Variants in GRM7 observed in about 807,000 individuals in gnomAD.
GRM7 encodes metabotropic glutamate receptor 7.
A neutral mutation model predicts 84.5 loss-of-function variants in GRM7; 35 were observed. The ratio of observed to expected loss-of-function variants is 0.41; its 90% confidence interval spans 0.32 to 0.55. GRM7 has a LOEUF of 0.55. Among genes scored for constraint, GRM7 ranks in the 20% least tolerant of loss-of-function variants. GRM7 has a pLI of 0.19. For missense variants in GRM7, 1,003 were observed against 1,194.6 expected (o/e 0.84, Z 2.36); for synonymous variants, 487 against 455.1 (o/e 1.07, Z -0.89).
At chr3:7,229,839 C>CTTTT (rs766896334) in intron 2 of GRM7, among the ~76,000 whole-genome samples, 7 of 72,024 alleles carry the variant, frequency 9.7e-5, no homozygotes, top group East Asian at 5.7e-4. Context: ...CTTCCATCTT[C>CTTTT]TTTTTTTTTT....
At chr3:7,035,423 T>C (rs1399838964) in intron 1 of GRM7, among the ~76,000 whole-genome samples, 3 of 151,616 alleles carry the variant, frequency 2.0e-5, no homozygotes, top group Non-Finnish European at 2.9e-5. Flanking sequence ...GAATAGAGAA[T>C]GCTATTTCAA....
At chr3:7,277,934 T>C (rs1699131095) in intron 2 of GRM7, among the ~76,000 whole-genome samples, 1 of 152,132 alleles carries the variant, frequency 6.6e-6, no homozygotes, top group South Asian at 2.1e-4. Context: ...TAATAATTGA[T>C]AATTTTTGAA....
In GRM7 at chr3:7,694,456, T is replaced by A. The variant is rs568784314; in HGVS notation, c.2698+14161T>A. Reference sequence around the variant, plus strand: ...CCACACATAATAAAGTTTAAGAATGTCAAGCAATCCATCTGCATCTAATTT... The same window carrying A: ...CCACACATAATAAAGTTTAAGAATGACAAGCAATCCATCTGCATCTAATTT... On this transcript the variant is annotated intron_variant, in intron 9 of 9. Transcript: ENST00000357716. 2.0e-4 allele frequency: 171 copies of A among 851,220 alleles called. 2 individuals carry two copies. In the South Asian group the frequency reaches 8.1e-3, roughly 41 times the overall value. 52.7% of individuals were successfully genotyped at this position (851,220 alleles called of 1,614,324 possible).
chr3:7,384,177 C>T (rs151296204), intron 4 of GRM7, among the ~76,000 whole-genome samples: 53 of 152,124 alleles, frequency 3.5e-4, no homozygotes, highest in African/African-American at 1.1e-3. Context: ...AGTAGGCACA[C>T]GCCACTGTGC....
intron 9 of GRM7, chr3:7,682,355 A>T (rs1700407241): frequency 6.7e-6 from 1 of 150,144 alleles, no homozygotes; most frequent in Non-Finnish European, 1.5e-5. Context: ...AAAAAAAAAA[A>T]AGAAAAAGAA....
At chr3:7,327,497 ACATATT>A (rs544864400) in intron 4 of GRM7, among the ~76,000 whole-genome samples, 1 of 152,318 alleles carries the variant, frequency 6.6e-6, no homozygotes, top group East Asian at 1.9e-4. Flanking sequence ...ACTCCAGTTA[ACATATT>A]CATATTTATA....
At chr3:7,296,820 T>TA (rs1699830223) in intron 2 of GRM7, among the ~76,000 whole-genome samples, 2 of 151,248 alleles carry the variant, frequency 1.3e-5, no homozygotes, top group African/African-American at 4.9e-5. Flanking sequence ...AACAGCTTTT[T>TA]TAAAAAAAAA....
chr3:7,066,472 G>A (rs1697668457), intron 1 of GRM7, among the ~76,000 whole-genome samples: 3 of 151,552 alleles, frequency 2.0e-5, no homozygotes, highest in South Asian at 2.1e-4. Context: ...AGCTTAAATC[G>A]GGAAGAATTA....
At chr3:7,176,802 C>T (rs2125093211) in intron 2 of GRM7, among the ~76,000 whole-genome samples, 1 of 152,294 alleles carries the variant, frequency 6.6e-6, no homozygotes, top group African/African-American at 2.4e-5. Context: ...GTCCACACCT[C>T]AACTATTATT....
At chr3:7,294,641 T>C (rs1302490803) in intron 2 of GRM7, among the ~76,000 whole-genome samples, 2 of 151,522 alleles carry the variant, frequency 1.3e-5, no homozygotes, top group African/African-American at 2.4e-5. Context: ...CTACAACCAA[T>C]ATGGAGACAC....
intron 8 of GRM7, among the ~76,000 whole-genome samples, chr3:7,658,238 C>A (rs1699285173): frequency 6.6e-6 from 1 of 152,142 alleles, no homozygotes; most frequent in Non-Finnish European, 1.5e-5. Context: ...AAATTCAATA[C>A]ACTGCTAATG....
intron 7 of GRM7, among the ~76,000 whole-genome samples, chr3:7,517,101 A>AC (rs1348010799): frequency 1.3e-5 from 2 of 152,136 alleles, no homozygotes; most frequent in Non-Finnish European, 2.9e-5. Flanking sequence ...AATCATGTTC[A>AC]CGAGGTAATA....
At chr3:7,302,278 T>C (rs114705311) in intron 3 of GRM7, among the ~76,000 whole-genome samples, 3,609 of 152,298 alleles carry the variant, frequency 0.024, 63 homozygotes, top group Non-Finnish European at 0.032. Flanking sequence ...AGTTTTTTTA[T>C]ACATACACAA....
chr3:7,493,985 G>A (rs1699613182), intron 7 of GRM7, among the ~76,000 whole-genome samples: 1 of 151,780 alleles, frequency 6.6e-6, no homozygotes, highest in African/African-American at 2.4e-5. Context: ...CATTATCTTG[G>A]GTGTCAGATG....
rs1695076542 is a variant in GRM7, at chr3:7,578,598, C to T, written c.1692C>T (p.Pro564=). The T allele has an allele frequency of 3.7e-6, 6 of 1,614,150 alleles. No individual in the cohort carries two copies. Among genetic ancestry groups the T allele is most frequent in the Non-Finnish European group, 4.2e-6 (5 of 1,180,034 alleles). The change falls in exon 8 of 10, where the codon CCC becomes CCT. Residue 564 remains proline, a synonymous_variant. Transcript: ENST00000357716. ...ATGAGATGACATGCCAGCATTGCCC[C>T]TATGACCAGAGGCCCAATGAAAATC... The part of the protein sequence containing the change: ...QFDEMTCQHC[P]YDQRPNENRT...
chr3:7,011,418 A>G (rs1695363933), intron 1 of GRM7, among the ~76,000 whole-genome samples: 2 of 136,186 alleles, frequency 1.5e-5, no homozygotes, highest in South Asian at 4.8e-4. Context: ...TTAAGTTTAT[A>G]TGCTCATGTT....
intron 7 of GRM7, among the ~76,000 whole-genome samples, chr3:7,547,203 T>TG (rs71625349): frequency 0.089 from 9,072 of 102,332 alleles, 746 homozygotes; most frequent in East Asian, 0.15. Flanking sequence ...TCTTTTTTTT[T>TG]TTTTTTTTTT....
chr3:7,048,252 T>G (rs1696871348), intron 1 of GRM7, among the ~76,000 whole-genome samples: 1 of 152,024 alleles, frequency 6.6e-6, no homozygotes, highest in Non-Finnish European at 1.5e-5. Context: ...TTTTATAAGT[T>G]GGAGTACCAA....
At chr3:7,323,676 C>T (rs1242891528) in intron 4 of GRM7, among the ~76,000 whole-genome samples, 1 of 152,238 alleles carries the variant, frequency 6.6e-6, no homozygotes, top group East Asian at 1.9e-4. Flanking sequence ...AACTAATTTG[C>T]CAAGTCAATG....
Sources: allele counts gnomAD v4.1 joint callset (sites outside exome capture counted in the v4.1 genomes callset), GRCh38; gene constraint gnomAD v4.1.1; transcripts MANE v1.5; gene names NCBI Gene and HGNC (gene_info 2026-07-23, HGNC 2026-07-21).